SEPTIN3: variants seen among roughly 807,000 people sequenced by gnomAD.
The protein encoded by SEPTIN3 is neuronal-specific septin-3.
In SEPTIN3, 15 loss-of-function variants were observed where a neutral mutation model predicts 45.1. The observed-to-expected ratio is 0.33, with a 90% CI of 0.22 to 0.51. The LOEUF is 0.51. SEPTIN3 is among the 20% of genes least tolerant of loss of function. The pLI is 0.97. For missense variants in SEPTIN3, 289 were observed against 457.2 expected (o/e 0.63, Z 3.35); for synonymous variants, 148 against 164.8 (o/e 0.90, Z 0.78).
intron 1 of SEPTIN3, among the ~76,000 whole-genome samples, chr22:41,971,053 A>G (rs905138869): frequency 6.6e-6 from 1 of 151,928 alleles, no homozygotes; most frequent in African/African-American, 2.4e-5. Context: ...TCTGGAAGAG[A>G]AAGGGAGAGA....
rs192853195 is a variant in SEPTIN3, at chr22:41,994,402, A to G, written c.2411+61A>G. 9 of 1,572,934 alleles carry G rather than the reference A, an allele frequency of 5.7e-6. No homozygotes were observed. Among genetic ancestry groups the G allele is most frequent in the East Asian group, 2.2e-5 (1 of 44,674 alleles). On this transcript the variant is annotated intron_variant, in intron 10 of 11. Transcript: ENST00000644076. This position sits in a 1 kb window ranked among gnomAD's most constrained non-coding sequence, Gnocchi z 4.2. ...GTTGAATTATTTGGGGTCAGGGTCT[A>G]TCTGTTCAGATTCACCTCCTGCATC...
intron 8 of SEPTIN3, among the ~76,000 whole-genome samples, chr22:41,991,914 G>C (rs1418085000): frequency 1.3e-5 from 2 of 151,748 alleles, no homozygotes; most frequent in African/African-American, 4.9e-5. Context: ...TCCCCAACAA[G>C]GTCTGGCAAA....
rs1602422889 is a variant in SEPTIN3 at position 41,993,232 on chromosome 22, C to A, written c.2359+469C>A. On this transcript the variant is annotated intron_variant, in intron 9 of 11. Transcript: ENST00000644076. ...AGGGAGGAGAGCGGGTGCTCCTGTT[C>A]TCAGAGTATAAGCTACCAAAGCACC... Among the ~76,000 whole-genome samples the A allele has an allele frequency of 2.6e-5, 4 of 152,242 alleles. No homozygotes were observed. The South Asian group carries it at 8.3e-4, about 32-fold the overall frequency.
At chr22:41,992,047 C>T (rs566878804) in intron 8 of SEPTIN3, among the ~76,000 whole-genome samples, 1 of 152,228 alleles carries the variant, frequency 6.6e-6, no homozygotes, top group Non-Finnish European at 1.5e-5. Context: ...AGGGGTTAGA[C>T]TGAGTGGCTT....
intron 2 of SEPTIN3, among the ~76,000 whole-genome samples, chr22:41,981,136 C>T (rs2078113669): frequency 6.6e-6 from 1 of 152,228 alleles, no homozygotes; most frequent in South Asian, 2.1e-4. Context: ...TCTGAACAAC[C>T]CCAGACATTT....
chr22:41,983,048 A>G (rs530621024), intron 3 of SEPTIN3, among the ~76,000 whole-genome samples: 2 of 152,164 alleles, frequency 1.3e-5, no homozygotes, highest in East Asian at 1.9e-4. Context: ...ATTTTACCTC[A>G]TACGTATCTC....
In SEPTIN3 at chr22:41,989,567, C is replaced by T; in HGVS notation, c.2046C>T (p.Ser682=). 6.2e-7 allele frequency: 1 copy of T among 1,611,464 alleles called. No homozygotes were observed. The highest frequency in any genetic ancestry group is 8.5e-7 in the Non-Finnish European group (1 of 1,177,712). ...TGATTCTGCCTTTTCTGTGCCCCAG[C>T]TTGCGACCTCTGGATCTTGAGTTCA... is the stretch of plus-strand genomic sequence containing the variant. ...CLYFISPTGH[S]LRPLDLEFMK... Residue 682 remains serine (S), a splice_region_variant and synonymous_variant, in exon 7 of 12, where the codon TCC becomes TCT. Coordinates refer to ENST00000644076, the MANE Select transcript of SEPTIN3 (RefSeq NM_001363845.2).
At chr22:41,981,897 C>T in intron 3 of SEPTIN3, 61 bp downstream of exon 3, 2 of 1,466,612 alleles carry the variant, frequency 1.4e-6, no homozygotes, top group Non-Finnish European at 1.9e-6. Flanking sequence ...GATCCCATTT[C>T]TTTCCCCCAA....
Position 41,996,883 on chromosome 22 carries a change from G to T in SEPTIN3, c.2506-19G>T. The T allele has an allele frequency of 3.1e-6, 5 of 1,613,322 alleles. No homozygotes were observed. Among genetic ancestry groups the T allele is most frequent in the Non-Finnish European group, 4.2e-6 (5 of 1,179,568 alleles). ...GCTGCTGGTCTCCACACCCTCAACC[G>T]TTCTCAACCCCCCTGCAGGGAGAAG... On this transcript the variant is annotated intron_variant, in intron 11 of 11. Coordinates refer to ENST00000644076, the MANE Select transcript of SEPTIN3 (RefSeq NM_001363845.2).
intron 4 of SEPTIN3, 87 bp from the exon 5 acceptor site, chr22:41,987,119 C>G (rs1461763056): frequency 1.0e-6 from 1 of 985,072 alleles, no homozygotes; most frequent in African/African-American, 1.6e-5. Context: ...GAAGACAAGG[C>G]CTGGGTCTCC....
At chr22:41,981,561 G>A in intron 2 of SEPTIN3, 84 bp from the exon 3 acceptor site, 2 of 1,186,144 alleles carry the variant, frequency 1.7e-6, no homozygotes, top group Non-Finnish European at 1.2e-6. Context: ...TGATTCTGTA[G>A]CAAGAGAAAA....
chr22:41,993,051 GAA>G (rs1228680490), intron 9 of SEPTIN3, among the ~76,000 whole-genome samples: 2 of 152,212 alleles, frequency 1.3e-5, no homozygotes, highest in African/African-American at 4.8e-5. Context: ...GTTTTCATAG[GAA>G]GGGGGATGTG....
intron 6 of SEPTIN3, among the ~76,000 whole-genome samples, chr22:41,989,126 C>CAAAA (rs71184854): frequency 1.1e-5 from 1 of 88,558 alleles, no homozygotes; most frequent in Admixed American, 1.3e-4. Context: ...GACCCTGTCT[C>CAAAA]AAAAAAAAAA....
rs2078396045 is a variant in SEPTIN3 at position 41,994,759 on chromosome 22, A to G, written c.2505+45A>G. ...AAAGCCACGACAGTAACCCATGACGACCACTTCTCTGTGTCATCACACATA... is the reference window on the plus strand; with the variant it reads ...AAAGCCACGACAGTAACCCATGACGGCCACTTCTCTGTGTCATCACACATA... On this transcript the variant is annotated intron_variant, in intron 11 of 11. Coordinates refer to ENST00000644076, the MANE Select transcript of SEPTIN3 (RefSeq NM_001363845.2). The surrounding 1 kb of genome is among the most constrained non-coding windows in gnomAD (Gnocchi z 4.2). The G allele has an allele frequency of 6.2e-7, 1 of 1,613,920 alleles. No homozygotes were observed. Among genetic ancestry groups the G allele is most frequent in the Non-Finnish European group, 8.5e-7 (1 of 1,179,998 alleles).
In SEPTIN3 at chr22:41,972,327, T is replaced by C; in HGVS notation, c.835T>C (p.Leu279=). Reference sequence around the variant, plus strand: ...CACAATGGCCACCAACAGACCTAGCTTGGCTATCAATTTAGCCACACCAAA... The same window carrying C: ...CACAATGGCCACCAACAGACCTAGCCTGGCTATCAATTTAGCCACACCAAA... ...LATMATNRPS[L]AINLATPNTS... is the part of the protein sequence containing the mutation. Residue 279 remains leucine (L), a synonymous_variant, in exon 2 of 12, where the codon TTG becomes CTG. Coordinates refer to ENST00000644076, the MANE Select transcript of SEPTIN3 (RefSeq NM_001363845.2). The C allele has an allele frequency of 5.0e-6, 2 of 399,190 alleles. No individual in the cohort carries two copies. The highest frequency in any genetic ancestry group is 8.8e-6 in the Non-Finnish European group (2 of 226,138). 24.7% of individuals were successfully genotyped at this position (399,190 alleles called of 1,614,324 possible).
chr22:41,974,112 T>C (rs1391496275), intron 2 of SEPTIN3, among the ~76,000 whole-genome samples: 1 of 144,658 alleles, frequency 6.9e-6, no homozygotes, highest in African/African-American at 2.6e-5. Flanking sequence ...CAGTGAACCA[T>C]GATTGTGCGA....
At position 41,976,794 on chromosome 22, in the gene SEPTIN3, A is replaced by C. The variant is rs1009248799; in HGVS notation, c.1504+3798A>C. 11 of 148,626 alleles carry C rather than the reference A, an allele frequency of 7.4e-5. No homozygotes were observed. The highest frequency in any genetic ancestry group is 2.4e-4 in the African/African-American group (10 of 40,942). 9.2% of individuals were successfully genotyped at this position (148,626 alleles called of 1,614,324 possible). A position where few individuals can be genotyped will look rare whatever the true frequency, so the allele number is the denominator to read the frequency against. On this transcript the variant is annotated intron_variant, in intron 2 of 11. Coordinates refer to ENST00000644076, the MANE Select transcript of SEPTIN3 (RefSeq NM_001363845.2). The surrounding 1 kb of genome is among the most constrained non-coding windows in gnomAD (Gnocchi z 5.8). ...CGCGCGGTCACGTGGTGCGGGTGGC[A>C]GCGGCGGCGGCTGGCGGCGGCGGCA...
At chr22:41,991,772 C>A (rs1240345636) in intron 8 of SEPTIN3, 104 bp downstream of exon 8, 1 of 837,646 alleles carries the variant, frequency 1.2e-6, no homozygotes, top group Non-Finnish European at 2.1e-6. Flanking sequence ...GTACTCCCCC[C>A]AACCTTGCCT....
chr22:41,979,871 G>A (rs918645997), intron 2 of SEPTIN3, among the ~76,000 whole-genome samples: 2 of 152,072 alleles, frequency 1.3e-5, no homozygotes, highest in South Asian at 4.1e-4. Flanking sequence ...TCTCCCTCCC[G>A]CCCATCTGCT....
Sources: gnomAD v4.1 joint callset for allele counts (sites outside exome capture counted in the v4.1 genomes callset) on GRCh38, gnomAD v4.1.1 for gene constraint, Gnocchi (gnomAD v3.1) non-coding constraint, MANE v1.5 for transcripts, NCBI Gene and HGNC (gene_info 2026-07-23, HGNC 2026-07-21) for gene names.